FN1: variants seen among roughly 807,000 people sequenced by gnomAD.
FN1 encodes the protein fibronectin 1, also known as fibronectin.
A neutral mutation model predicts 297.3 loss-of-function variants in FN1; 106 were observed. That is an observed-to-expected ratio of 0.36 (90% confidence interval 0.30 to 0.42). The LOEUF (loss-of-function observed/expected upper bound fraction) is 0.42. FN1 is among the 10% of genes least tolerant of loss of function. The pLI is 1.00. For synonymous variants in FN1, 1,149 were observed against 1,152.6 expected, an observed-to-expected ratio of 1.00 and a Z score of 0.06; for missense variants, 2,690 against 3,124.9, an observed-to-expected ratio of 0.86 and a Z score of 3.32.
intron 33 of FN1, chr2:215,380,389 A>G: frequency 4.8e-6 from 1 of 208,004 alleles, no homozygotes; most frequent in Admixed American, 5.3e-5. Flanking sequence ...ATATCTAACC[A>G]GAGAAGAAAG....
intron 4 of FN1, 48 bp downstream of exon 4, chr2:215,431,785 A>G (rs1481314148): frequency 1.1e-5 from 17 of 1,607,438 alleles, no homozygotes; most frequent in Admixed American, 1.7e-5. Flanking sequence ...CCAACCCCAC[A>G]TTAGAACTAA....
Position 215,424,139 on chromosome 2 carries a change from C to T in FN1, c.1216+7G>A, listed in dbSNP as rs369239548. The T allele has an allele frequency of 1.3e-5, 21 of 1,613,744 alleles. No individual in the cohort carries two copies. In the East Asian group the frequency reaches 2.2e-4, roughly 17 times the overall value. On this transcript the variant is annotated splice_region_variant and intron_variant, in intron 8 of 45. Coordinates refer to ENST00000354785, the MANE Select transcript of FN1 (RefSeq NM_212482.4). The stretch of plus-strand genomic sequence containing the variant: ...TCACTTCTGTGGCTCCCCCTTGGGA[C>T]ACTCACCAGTGTGGTCTGTGCAGAA...
chr2:215,371,870 T>C (rs963537040), intron 40 of FN1, 39 bp downstream of exon 40: 25 of 1,554,776 alleles, frequency 1.6e-5, no homozygotes, highest in South Asian at 2.2e-5. Context: ...TATTCCTTTC[T>C]GTGCTGCCCC....
chr2:215,376,885 T>C (rs564683745), intron 35 of FN1, among the ~76,000 whole-genome samples: 2 of 152,316 alleles, frequency 1.3e-5, no homozygotes, highest in East Asian at 3.9e-4. Flanking sequence ...ACATTTTATT[T>C]TGAAGAGCTG....
Position 215,435,926 on chromosome 2 carries a change from T to C in FN1, c.-124A>G. The C allele has an allele frequency of 1.4e-6, 2 of 1,431,682 alleles. No homozygotes were observed. Among genetic ancestry groups the C allele is most frequent in the South Asian group, 2.9e-5 (2 of 69,914 alleles). 88.7% of individuals were successfully genotyped at this position (1,431,682 alleles called of 1,614,324 possible). ...CCGGGGGTTGTCGCCTCCAAGAAGG[T>C]GGGGGCCAGAGGGTGGGGAAGGGGA... is the stretch of plus-strand genomic sequence containing the variant. On this transcript the variant is annotated 5_prime_UTR_variant, in exon 1 of 46. Coordinates refer to ENST00000354785, the MANE Select transcript of FN1 (RefSeq NM_212482.4).
intron 24 of FN1, among the ~76,000 whole-genome samples, chr2:215,393,878 C>T (rs755253384): frequency 1.3e-5 from 2 of 152,186 alleles, no homozygotes; most frequent in Non-Finnish European, 1.5e-5. Flanking sequence ...AAGGGGGACA[C>T]GATCTGTCCA....
Position 215,361,329 on chromosome 2 carries a change from G to A in FN1, c.*226C>T, listed in dbSNP as rs778425509. 5.3e-6 allele frequency: 3 copies of A among 562,074 alleles called. No homozygotes were observed. Among genetic ancestry groups the A allele is most frequent in the East Asian group, 3.1e-5 (1 of 32,248 alleles). The allele number at this position is 562,074 out of a possible 1,614,324, so 34.8% of individuals were successfully genotyped here. On this transcript the variant is annotated 3_prime_UTR_variant, in exon 46 of 46. Coordinates refer to ENST00000354785, the MANE Select transcript of FN1 (RefSeq NM_212482.4). ...AATACTGAGCGGTATTGAATACTTCGAAGCAGAACAGGCAATGTGCAGCCC... is the reference window on the plus strand; with the variant it reads ...AATACTGAGCGGTATTGAATACTTCAAAGCAGAACAGGCAATGTGCAGCCC...
chr2:215,415,442 A>T (rs1052514646), intron 12 of FN1, among the ~76,000 whole-genome samples: 15 of 152,282 alleles, frequency 9.9e-5, no homozygotes, highest in African/African-American at 2.6e-4. Flanking sequence ...GATGATGTAA[A>T]ACAAACACAT....
rs1005011124 is a variant in FN1 at position 215,378,346 on chromosome 2, A to G, written c.5623-84T>C. ...TTCACTACAGCATTAGGTAAATGCA[A>G]TGGTTAGAAAATAAAAAATAAACAA... On this transcript the variant is annotated intron_variant, in intron 34 of 45. Transcript: ENST00000354785. The G allele has an allele frequency of 3.9e-6, 3 of 759,580 alleles. No homozygotes were observed. The African/African-American group carries it at 5.1e-5, about 13-fold the overall frequency. The allele number at this position is 759,580 out of a possible 1,614,324, so 47.1% of individuals were successfully genotyped here.
chr2:215,371,705 G>T (rs1452361434), intron 40 of FN1, among the ~76,000 whole-genome samples: 21 of 134,698 alleles, frequency 1.6e-4, no homozygotes, highest in African/African-American at 5.3e-4. Context: ...AAGAGACGAG[G>T]TTTCACCATG....
intron 25 of FN1, 26 bp from the exon 26 acceptor site, chr2:215,391,840 C>G (rs771886007): frequency 2.5e-6 from 4 of 1,606,176 alleles, no homozygotes; most frequent in Non-Finnish European, 3.4e-6. Flanking sequence ...AAGGAAGACT[C>G]AGTTAATGTA....
In FN1 at chr2:215,430,761, A is replaced by G; in HGVS notation, c.639T>C (p.Cys213=). ...KPYQGWMMVD[C]TCLGEGSGRI... ...GTCCGCTGCCTTCTCCCAGGCAAGT[A>G]CAATCTACCATCATCCAGCCTTGGT... is the stretch of plus-strand genomic sequence containing the variant. The change falls in exon 5 of 46, where the codon TGT becomes TGC. Residue 213 remains cysteine (C), a synonymous_variant. Coordinates refer to ENST00000354785, the MANE Select transcript of FN1 (RefSeq NM_212482.4). The G allele has an allele frequency of 6.2e-7, 1 of 1,614,194 alleles. No individual in the cohort carries two copies. The highest frequency in any genetic ancestry group is 8.5e-7 in the Non-Finnish European group (1 of 1,180,004).
At chr2:215,433,255 T>C in intron 3 of FN1, 69 bp downstream of exon 3, 1 of 1,583,436 alleles carries the variant, frequency 6.3e-7, no homozygotes, top group Non-Finnish European at 8.7e-7. Flanking sequence ...TAACAGAAAA[T>C]GACAGTGATG....
At chr2:215,376,189 C>A (rs1323254298) in intron 36 of FN1, among the ~76,000 whole-genome samples, 1 of 152,146 alleles carries the variant, frequency 6.6e-6, no homozygotes, top group Non-Finnish European at 1.5e-5. Context: ...ATCTATACAT[C>A]ACTGTTTTTT....
rs780272859 is a variant in FN1, at chr2:215,388,317, G to A, written c.4253-16C>T. 1.8e-5 allele frequency: 28 copies of A among 1,573,640 alleles called. No homozygotes were observed. The highest frequency in any genetic ancestry group is 2.2e-5 in the Non-Finnish European group (25 of 1,143,574). ...GGCAGGAGATCTGTAGGGGCAAATG[G>A]GGCTTATTTTAAAACTCTGCTCAAA... On this transcript the variant is annotated splice_polypyrimidine_tract_variant and intron_variant, in intron 26 of 45. Transcript: ENST00000354785.
chr2:215,384,435 A>G, intron 29 of FN1: 2 of 524,404 alleles, frequency 3.8e-6, no homozygotes, highest in Non-Finnish European at 6.9e-6. Flanking sequence ...ACTGAGTAGT[A>G]GAGTAGCATT....
chr2:215,424,973 C>T (rs2065078329), intron 7 of FN1, 121 bp downstream of exon 7: 1 of 892,198 alleles, frequency 1.1e-6, no homozygotes, highest in Non-Finnish European at 1.9e-6. Flanking sequence ...TAATTGTTAT[C>T]ACAGGGTGGT....
At position 215,379,226 on chromosome 2, in the gene FN1, T is replaced by C. The variant is rs774287980; in HGVS notation, c.5526A>G (p.Gly1842=). 12 of 1,613,952 alleles carry C rather than the reference T, an allele frequency of 7.4e-6. No homozygotes were observed. Among genetic ancestry groups the C allele is most frequent in the Admixed American group, 3.3e-5 (2 of 59,994 alleles). ...QWTPPNVQLT[G]YRVRVTPKEK... ...CCTTGGGGGTCACCCGCACTCGATA[T>C]CCAGTGAGCTGAACATTGGGTGGTG... The change falls in exon 34 of 46, where the codon GGA becomes GGG. Residue 1842 remains glycine, a synonymous_variant. Coordinates refer to ENST00000354785, the MANE Select transcript of FN1 (RefSeq NM_212482.4).
intron 26 of FN1, 38 bp from the exon 27 acceptor site, chr2:215,388,339 C>T: frequency 6.8e-7 from 1 of 1,463,390 alleles, no homozygotes; most frequent in Non-Finnish European, 9.6e-7. Context: ...AAACTCTGCT[C>T]AAAAGCATGA....
Sources: gnomAD v4.1 joint callset for allele counts (sites outside exome capture counted in the v4.1 genomes callset) on GRCh38, gnomAD v4.1.1 for gene constraint, MANE v1.5 for transcripts, NCBI Gene and HGNC (gene_info 2026-07-23, HGNC 2026-07-21) for gene names.